DPP10: variants seen among roughly 807,000 people sequenced by gnomAD.
The protein encoded by DPP10 is inactive dipeptidyl peptidase 10.
DPP10 carries 33 observed loss-of-function variants against 120.9 expected under a neutral mutation model. That is an observed-to-expected ratio of 0.27 (90% CI 0.21 to 0.37). The LOEUF (loss-of-function observed/expected upper bound fraction) is 0.37, where lower values mean the gene tolerates loss of function less well. DPP10 is among the 10% of genes least tolerant of loss of function. The pLI is 1.00. For missense variants in DPP10, 816 were observed against 942.8 expected (o/e 0.87, Z 1.76); for synonymous variants, 337 against 326.1 (o/e 1.03, Z -0.36).
intron 1 of DPP10, among the ~76,000 whole-genome samples, chr2:114,891,113 G>T (rs1692508044): frequency 6.6e-6 from 1 of 151,930 alleles, no homozygotes; most frequent in Admixed American, 6.6e-5. Flanking sequence ...ACAAGTTTTA[G>T]ACAAATTCCA....
chr2:115,784,329 G>T (rs191697862), intron 17 of DPP10, among the ~76,000 whole-genome samples: 99 of 152,150 alleles, frequency 6.5e-4, no homozygotes, highest in African/African-American at 2.1e-3. Flanking sequence ...AGTGCATGGA[G>T]AGAAAATTTT....
intron 4 of DPP10, among the ~76,000 whole-genome samples, chr2:115,510,680 A>G (rs1331541040): frequency 1.3e-5 from 2 of 152,156 alleles, no homozygotes; most frequent in Non-Finnish European, 2.9e-5. Context: ...AAACAAAGTC[A>G]AAAGAAGCTA....
chr2:115,684,126 AAATATT>A (rs1432361021), intron 5 of DPP10, among the ~76,000 whole-genome samples: 2 of 151,926 alleles, frequency 1.3e-5, no homozygotes. Flanking sequence ...AAATACTAAT[AAATATT>A]AAGTATACTT....
chr2:114,612,736 C>T (rs1242955919), intron 1 of DPP10, among the ~76,000 whole-genome samples: 1 of 152,144 alleles, frequency 6.6e-6, no homozygotes, highest in Non-Finnish European at 1.5e-5. Context: ...ATTCCTGGCT[C>T]AGTCTTTTAC....
In DPP10 at chr2:114,926,166, T is replaced by A. The variant is rs148492238; in HGVS notation, c.61-383073T>A. On this transcript the variant is annotated intron_variant, in intron 1 of 25. Transcript: ENST00000410059. Reference sequence around the variant, plus strand: ...GCTTGAATTTGTTGCCCATTTTTTTTATTTTTCCTCCCAAGTGCCTTTATA... The same window carrying A: ...GCTTGAATTTGTTGCCCATTTTTTTAATTTTTCCTCCCAAGTGCCTTTATA... Among the ~76,000 whole-genome samples the A allele has an allele frequency of 2.7e-3, 407 of 152,302 alleles. 3 individuals are homozygous for A. Among genetic ancestry groups the A allele is most frequent in the African/African-American group, 9.4e-3 (391 of 41,556 alleles).
intron 1 of DPP10, among the ~76,000 whole-genome samples, chr2:114,834,971 C>T (rs1459124721): frequency 6.9e-6 from 1 of 145,800 alleles, no homozygotes; most frequent in Non-Finnish European, 1.5e-5. Context: ...ATCTACACAC[C>T]TATGTATATA....
intron 1 of DPP10, among the ~76,000 whole-genome samples, chr2:114,599,615 T>C (rs1019832999): frequency 1.3e-5 from 2 of 151,786 alleles, no homozygotes; most frequent in African/African-American, 4.8e-5. Flanking sequence ...TTTTTGTTTG[T>C]TTTAAAATCT....
At chr2:115,380,344 A>G (rs557649624) in intron 3 of DPP10, among the ~76,000 whole-genome samples, 4 of 152,172 alleles carry the variant, frequency 2.6e-5, no homozygotes, top group South Asian at 2.1e-4. Flanking sequence ...GTTGGTTTAA[A>G]GTATGTTTTA....
intron 1 of DPP10, among the ~76,000 whole-genome samples, chr2:115,294,416 T>G (rs928882719): frequency 1.3e-5 from 2 of 151,826 alleles, no homozygotes; most frequent in Non-Finnish European, 2.9e-5. Context: ...AGTAGGTAAA[T>G]TTTTGTTTTT....
chr2:114,793,244 C>T (rs1041934520), intron 1 of DPP10, among the ~76,000 whole-genome samples: 1 of 152,082 alleles, frequency 6.6e-6, no homozygotes, highest in Non-Finnish European at 1.5e-5. Context: ...GTTCACTGCA[C>T]CCATCAACCT....
In DPP10 at chr2:114,805,630, C is replaced by CTGTGT. The variant is rs1553431716; in HGVS notation, c.60+362793_60+362794insGTGTT. ...TCTCAGTGGCTTAAAACCAAAAAAA[C>CTGTGT]TTTGTTTTGTTTTGTTTTGTTTTTT... On this transcript the variant is annotated intron_variant, in intron 1 of 25. Transcript: ENST00000410059. Among the ~76,000 whole-genome samples, 27 of 152,156 alleles carry CTGTGT rather than the reference C, an allele frequency of 1.8e-4. 1 individual carries two copies. Among genetic ancestry groups the CTGTGT allele is most frequent in the Admixed American group, 1.6e-3 (24 of 15,276 alleles).
intron 1 of DPP10, among the ~76,000 whole-genome samples, chr2:115,214,124 C>G (rs1224632874): frequency 6.6e-6 from 1 of 152,102 alleles, no homozygotes; most frequent in East Asian, 1.9e-4. Context: ...AATATCCTGG[C>G]AAATGCGGCC....
chr2:115,268,622 C>T (rs1453119798), intron 1 of DPP10, among the ~76,000 whole-genome samples: 1 of 152,074 alleles, frequency 6.6e-6, no homozygotes, highest in African/African-American at 2.4e-5. Context: ...CAATGAGAAA[C>T]AAAGATATTA....
At chr2:114,589,043 G>GGT (rs920356158) in intron 1 of DPP10, among the ~76,000 whole-genome samples, 3 of 150,822 alleles carry the variant, frequency 2.0e-5, no homozygotes, top group Admixed American at 6.6e-5. Context: ...TTTTTGGGGG[G>GGT]GGGGGTAGGG....
chr2:115,348,496 T>A (rs10195975), intron 3 of DPP10, among the ~76,000 whole-genome samples: 13,311 of 152,198 alleles, frequency 0.087, 704 homozygotes, highest in African/African-American at 0.14. Flanking sequence ...TTTTTTTTTA[T>A]AATTTTAACT....
chr2:115,526,072 C>A, intron 5 of DPP10, 100 bp downstream of exon 5: 1 of 886,196 alleles, frequency 1.1e-6, no homozygotes, highest in Non-Finnish European at 1.7e-6. Context: ...CAAAATCTGG[C>A]ATGTCTAGTA....
chr2:114,966,460 A>G (rs995226621), intron 1 of DPP10, among the ~76,000 whole-genome samples: 1 of 152,068 alleles, frequency 6.6e-6, no homozygotes, highest in African/African-American at 2.4e-5. Flanking sequence ...CTCTCTCACC[A>G]TGTAATCTCT....
chr2:115,340,786 T>A (rs1230321590), intron 2 of DPP10, among the ~76,000 whole-genome samples: 1 of 151,708 alleles, frequency 6.6e-6, no homozygotes, highest in African/African-American at 2.4e-5. Flanking sequence ...TTTTTTAAAT[T>A]TAATAGATAA....
At chr2:115,728,692 A>G (rs997029084) in intron 8 of DPP10, among the ~76,000 whole-genome samples, 1 of 152,178 alleles carries the variant, frequency 6.6e-6, no homozygotes, top group Non-Finnish European at 1.5e-5. Context: ...AATATTTGCA[A>G]ATGTAATCTC....
Sources: gnomAD v4.1 joint callset for allele counts (sites outside exome capture counted in the v4.1 genomes callset) on GRCh38, gnomAD v4.1.1 for gene constraint, MANE v1.5 for transcripts, NCBI Gene and HGNC (gene_info 2026-07-23, HGNC 2026-07-21) for gene names.